Variants in SORL1 observed in about 807,000 individuals in gnomAD.
The protein encoded by SORL1 is sortilin related receptor 1, also known as sortilin-related receptor.
Under a neutral mutation model 273.7 loss-of-function variants are expected in SORL1, and 127 were observed. That is an observed-to-expected ratio of 0.46 (90% CI 0.40 to 0.54). The LOEUF (loss-of-function observed/expected upper bound fraction) is 0.54. Ranked by LOEUF, SORL1 falls within the 20% of genes least tolerant of loss-of-function variation. The pLI, the probability that SORL1 is intolerant of heterozygous loss-of-function variation, is 0.00. For missense variants in SORL1, 2,494 were observed against 2,846.1 expected, an observed-to-expected ratio of 0.88 and a Z score of 2.81; for synonymous variants, 1,031 against 1,067.4, an observed-to-expected ratio of 0.97 and a Z score of 0.66.
chr11:121,469,504 A>G (rs917015234), intron 1 of SORL1, among the ~76,000 whole-genome samples: 1 of 152,260 alleles, frequency 6.6e-6, no homozygotes, highest in African/African-American at 2.4e-5. Flanking sequence ...AAGCTTCACA[A>G]TGATACTTCT....
At chr11:121,608,592 G>A (rs1863514297) in intron 38 of SORL1, 2 of 192,820 alleles carry the variant, frequency 1.0e-5, no homozygotes, top group African/African-American at 2.4e-5. Context: ...GGCAAACTGT[G>A]TGTAGGTGGT....
At position 121,607,028 on chromosome 11, in the gene SORL1, C is replaced by T. The variant is rs148997459; in HGVS notation, c.5061+71C>T. 2.4e-3 allele frequency: 3,006 copies of T among 1,227,612 alleles called. 7 individuals are homozygous for T. The highest frequency in any genetic ancestry group is 3.2e-3 in the Non-Finnish European group (2,696 of 832,824). The allele number at this position is 1,227,612 out of a possible 1,614,324, so 76.0% of individuals were successfully genotyped here. A position where few individuals can be genotyped will look rare whatever the true frequency, so the allele number is the denominator to read the frequency against. Reference sequence around the variant, plus strand: ...GGAGATTTCTGGGTATTCTGTATGACGAGGGGGTTGATTTGGTTTAGCTTT... The same window carrying T: ...GGAGATTTCTGGGTATTCTGTATGATGAGGGGGTTGATTTGGTTTAGCTTT... On this transcript the variant is annotated intron_variant, in intron 36 of 47. Coordinates refer to ENST00000260197, the MANE Select transcript of SORL1 (RefSeq NM_003105.6).
intron 25 of SORL1, among the ~76,000 whole-genome samples, chr11:121,580,600 C>T (rs1175336839): frequency 8.0e-6 from 1 of 124,400 alleles, no homozygotes; most frequent in Admixed American, 9.0e-5. Flanking sequence ...TCCTCATGCA[C>T]TTACTTTTTT....
At chr11:121,625,965 C>A (rs1009983899) in intron 46 of SORL1, among the ~76,000 whole-genome samples, 2 of 152,124 alleles carry the variant, frequency 1.3e-5, no homozygotes, top group Admixed American at 1.3e-4. Flanking sequence ...GTTAAATGTT[C>A]CGTCTCATAG....
Position 121,591,141 on chromosome 11 carries a change from G to T in SORL1, c.4354G>T (p.Ala1452Ser), listed in dbSNP as rs768239566. 2.3e-5 allele frequency: 37 copies of T among 1,614,086 alleles called. No homozygotes were observed. Among genetic ancestry groups the T allele is most frequent in the Non-Finnish European group, 3.1e-5 (37 of 1,180,040 alleles). ...RDCADGSDEE[A>S]CPLLANVTAA... ...TTGTGCAGATGGCTCTGACGAGGAA[G>T]CCTGCCCCTTGCTTGGTGAGTTCTG... The change falls in exon 31 of 48, where the codon GCC becomes TCC. Residue 1452 changes from alanine (A) to serine (S), a missense_variant. Transcript: ENST00000260197.
chr11:121,508,310 G>A (rs1861819300), intron 6 of SORL1, among the ~76,000 whole-genome samples: 1 of 152,090 alleles, frequency 6.6e-6, no homozygotes, highest in Non-Finnish European at 1.5e-5. Flanking sequence ...TAGAGTCCCA[G>A]GAATACTCAT....
At chr11:121,475,717 G>A (rs1013982237) in intron 2 of SORL1, among the ~76,000 whole-genome samples, 11 of 152,318 alleles carry the variant, frequency 7.2e-5, no homozygotes, top group South Asian at 4.1e-4. Flanking sequence ...ACAACTGGAC[G>A]TGGAATTGGA....
chr11:121,477,986 C>G (rs964015213), intron 2 of SORL1, 132 bp from the exon 3 acceptor site: 21 of 963,758 alleles, frequency 2.2e-5, no homozygotes, highest in Non-Finnish European at 3.1e-5. Flanking sequence ...GAGCTGAGAT[C>G]GCACCATGGC....
At chr11:121,505,609 C>A (rs1259413354) in intron 6 of SORL1, among the ~76,000 whole-genome samples, 1 of 152,060 alleles carries the variant, frequency 6.6e-6, no homozygotes, top group Admixed American at 6.5e-5. Flanking sequence ...TTCCTCTAAT[C>A]ACTGCTTTAG....
intron 1 of SORL1, among the ~76,000 whole-genome samples, chr11:121,458,575 G>T (rs1013272480): frequency 5.3e-5 from 8 of 152,154 alleles, no homozygotes; most frequent in Non-Finnish European, 8.8e-5. Flanking sequence ...GCATTTTCTA[G>T]GTATGCCAGA....
At chr11:121,559,389 A>C in intron 20 of SORL1, 130 bp from the exon 21 acceptor site, 1 of 939,782 alleles carries the variant, frequency 1.1e-6, no homozygotes. Flanking sequence ...ATTTAAGTAG[A>C]ATCTTGATCA....
chr11:121,504,953 GT>G (rs1405400729), intron 6 of SORL1, among the ~76,000 whole-genome samples: 3 of 152,072 alleles, frequency 2.0e-5, no homozygotes, highest in Admixed American at 6.5e-5. Flanking sequence ...ATGATCATAT[GT>G]TTCTTTTTTT....
At chr11:121,572,709 G>T (rs1330092813) in intron 23 of SORL1, among the ~76,000 whole-genome samples, 1 of 152,072 alleles carries the variant, frequency 6.6e-6, no homozygotes, top group Non-Finnish European at 1.5e-5. Context: ...AGTGGAGGAG[G>T]GGGGACACCG....
intron 27 of SORL1, among the ~76,000 whole-genome samples, chr11:121,586,694 G>GC (rs2134894223): frequency 6.3e-4 from 2 of 3,180 alleles, no homozygotes; most frequent in South Asian, 0.026. Context: ...GGGGTAGAGT[G>GC]GGGGGGGGGG....
At chr11:121,568,292 A>G (rs1461802306) in intron 22 of SORL1, among the ~76,000 whole-genome samples, 1 of 152,258 alleles carries the variant, frequency 6.6e-6, no homozygotes, top group Non-Finnish European at 1.5e-5. Flanking sequence ...AAATATAAAC[A>G]GAAAAAAGAT....
chr11:121,561,304 C>T (rs1862669222), intron 21 of SORL1, among the ~76,000 whole-genome samples: 1 of 152,204 alleles, frequency 6.6e-6, no homozygotes, highest in African/African-American at 2.4e-5. Flanking sequence ...TTGGGCACAG[C>T]TGACATGCAG....
In SORL1 at chr11:121,514,262, G is replaced by C; in HGVS notation, c.1152G>C (p.Leu384=). ...ISEAEGLKFS[L]SLENVLYYSP... The stretch of plus-strand genomic sequence containing the variant: ...AGGCAGAGGGGCTGAAGTTCTCCCT[G>C]TCCTTGGAGAACGTGCTCTATTACA... Residue 384 remains leucine (L), a synonymous_variant, in exon 8 of 48, where the codon CTG becomes CTC. Coordinates refer to ENST00000260197, the MANE Select transcript of SORL1 (RefSeq NM_003105.6). The C allele has an allele frequency of 1.2e-6, 2 of 1,614,202 alleles. No homozygotes were observed. Among genetic ancestry groups the C allele is most frequent in the South Asian group, 2.2e-5 (2 of 91,088 alleles).
intron 3 of SORL1, among the ~76,000 whole-genome samples, chr11:121,479,896 G>T (rs746122369): frequency 6.6e-6 from 1 of 152,158 alleles, no homozygotes; most frequent in African/African-American, 2.4e-5. Context: ...CCCCTGAGAT[G>T]AAAAGCAAGG....
chr11:121,455,058 GT>G (rs1280035137), intron 1 of SORL1, among the ~76,000 whole-genome samples: 2 of 152,194 alleles, frequency 1.3e-5, no homozygotes, highest in African/African-American at 4.8e-5. Flanking sequence ...GAATGGTGAT[GT>G]TTTCCAACAG....
Sources: gnomAD v4.1 joint callset for allele counts (sites outside exome capture counted in the v4.1 genomes callset) on GRCh38, gnomAD v4.1.1 for gene constraint, MANE v1.5 for transcripts, NCBI Gene and HGNC (gene_info 2026-07-23, HGNC 2026-07-21) for gene names.